Variants in CRIM1 observed in about 807,000 individuals in gnomAD.
CRIM1 encodes the protein cysteine-rich motor neuron 1 protein.
A neutral mutation model predicts 116.4 loss-of-function variants in CRIM1; 32 were observed. The ratio of observed to expected loss-of-function variants is 0.27; its 90% confidence interval spans 0.21 to 0.37. The LOEUF (loss-of-function observed/expected upper bound fraction) is 0.37, where lower values mean the gene tolerates loss of function less well. CRIM1 is among the 10% of genes least tolerant of loss of function. The pLI is 1.00. For missense variants in CRIM1, 1,331 were observed against 1,354.8 expected (o/e 0.98, Z 0.28); for synonymous variants, 590 against 509.2 (o/e 1.16, Z -2.13).
intron 7 of CRIM1, among the ~76,000 whole-genome samples, chr2:36,480,961 A>T (rs1275762719): frequency 6.6e-6 from 1 of 152,246 alleles, no homozygotes; most frequent in Non-Finnish European, 1.5e-5. Flanking sequence ...AGGGTGCCTT[A>T]CTGAAGCAGA....
intron 5 of CRIM1, among the ~76,000 whole-genome samples, chr2:36,469,765 A>C (rs988171083): frequency 1.3e-5 from 2 of 152,222 alleles, no homozygotes; most frequent in African/African-American, 4.8e-5. Context: ...ATATTCTGGC[A>C]CTTTGAGAGC....
intron 4 of CRIM1, among the ~76,000 whole-genome samples, chr2:36,461,006 T>C: frequency 6.6e-6 from 1 of 151,994 alleles, no homozygotes; most frequent in East Asian, 1.9e-4. Flanking sequence ...ACCGTAGCAA[T>C]GGAAAATGAA....
intron 7 of CRIM1, among the ~76,000 whole-genome samples, chr2:36,483,556 C>T (rs1679584506): frequency 6.6e-6 from 1 of 152,172 alleles, no homozygotes; most frequent in African/African-American, 2.4e-5. Flanking sequence ...TAAGTGACAG[C>T]ACAGTGTGTC....
At chr2:36,357,516 A>G (rs889716097) in intron 1 of CRIM1, among the ~76,000 whole-genome samples, 1 of 152,070 alleles carries the variant, frequency 6.6e-6, no homozygotes, top group African/African-American at 2.4e-5. Flanking sequence ...TGGGGAGCCA[A>G]TGTTAGTGCG....
intron 7 of CRIM1, among the ~76,000 whole-genome samples, chr2:36,493,581 C>G (rs1017410158): frequency 1.3e-5 from 2 of 152,222 alleles, no homozygotes; most frequent in African/African-American, 4.8e-5. Flanking sequence ...CCCACCCATA[C>G]TCAAGAACTG....
intron 2 of CRIM1, among the ~76,000 whole-genome samples, chr2:36,410,637 C>A (rs1235369700): frequency 6.6e-6 from 1 of 151,882 alleles, no homozygotes; most frequent in Non-Finnish European, 1.5e-5. Context: ...ACTGGTTATC[C>A]TCTAACAGAA....
chr2:36,470,676 C>T (rs961312104), intron 5 of CRIM1, among the ~76,000 whole-genome samples: 11 of 152,298 alleles, frequency 7.2e-5, no homozygotes, highest in Non-Finnish European at 1.5e-4. Flanking sequence ...CCTGGTCTCC[C>T]AAGAGCTCTG....
At chr2:36,445,136 C>G (rs1479110038) in intron 4 of CRIM1, among the ~76,000 whole-genome samples, 1 of 152,184 alleles carries the variant, frequency 6.6e-6, no homozygotes, top group Non-Finnish European at 1.5e-5. Flanking sequence ...CAGGCCCTCT[C>G]TTAGCCAAGA....
chr2:36,426,686 C>G (rs910677216), intron 2 of CRIM1, among the ~76,000 whole-genome samples: 2 of 152,182 alleles, frequency 1.3e-5, no homozygotes, highest in African/African-American at 4.8e-5. Context: ...GCCAGTCCAT[C>G]AAGCTCCCAG....
chr2:36,478,530 T>C (rs1295536401), intron 6 of CRIM1, among the ~76,000 whole-genome samples: 1 of 152,224 alleles, frequency 6.6e-6, no homozygotes, highest in East Asian at 1.9e-4. Context: ...AAATCTTCTC[T>C]TGCTCAGGTC....
At chr2:36,375,434 CA>C (rs1670251550) in intron 1 of CRIM1, among the ~76,000 whole-genome samples, 2 of 152,120 alleles carry the variant, frequency 1.3e-5, no homozygotes, top group East Asian at 3.9e-4. Flanking sequence ...TTTAAAAATA[CA>C]AATCCGCAAA....
In CRIM1 at chr2:36,356,030, C is replaced by T. The variant is rs1017179141; in HGVS notation, c.-263C>T. The T allele has an allele frequency of 7.9e-4, 120 of 152,624 alleles. 1 individual carries two copies. The highest frequency in any genetic ancestry group is 1.3e-3 in the Non-Finnish European group (92 of 68,968). 9.5% of individuals were successfully genotyped at this position (152,624 alleles called of 1,614,324 possible). ...GGGAGGAAACTTTTTTCTTTTTTCCCCCTCCCTCCCGGGAGGAGGAGGAGG... is the reference window on the plus strand; with the variant it reads ...GGGAGGAAACTTTTTTCTTTTTTCCTCCTCCCTCCCGGGAGGAGGAGGAGG... On this transcript the variant is annotated 5_prime_UTR_variant, in exon 1 of 17. Coordinates refer to ENST00000280527, the MANE Select transcript of CRIM1 (RefSeq NM_016441.3). The surrounding 1 kb of genome is among the most constrained non-coding windows in gnomAD (Gnocchi z 4.3).
intron 1 of CRIM1, among the ~76,000 whole-genome samples, chr2:36,364,203 C>T (rs964861727): frequency 5.9e-5 from 9 of 152,196 alleles, no homozygotes. Context: ...TGTGATTCTA[C>T]ATTTCTAACA....
chr2:36,362,216 G>A (rs201561060), intron 1 of CRIM1, among the ~76,000 whole-genome samples: 1 of 119,562 alleles, frequency 8.4e-6, no homozygotes, highest in Non-Finnish European at 1.6e-5. Context: ...TTGCAAGTCT[G>A]TGTATGATTA....
In CRIM1 at chr2:36,479,492, T is replaced by C; in HGVS notation, c.1175-5T>C. 1 of 1,613,946 alleles carries C rather than the reference T, an allele frequency of 6.2e-7. No individual in the cohort carries two copies. The highest frequency in any genetic ancestry group is 8.5e-7 in the Non-Finnish European group (1 of 1,179,802). On this transcript the variant is annotated splice_polypyrimidine_tract_variant and splice_region_variant and intron_variant, in intron 6 of 16. Coordinates refer to ENST00000280527, the MANE Select transcript of CRIM1 (RefSeq NM_016441.3). Reference sequence around the variant, plus strand: ...GTCTAACTCTGAACTCATGTTCTCATTTAGATCCAGTGTATCCTTTTAATA... The same window carrying C: ...GTCTAACTCTGAACTCATGTTCTCACTTAGATCCAGTGTATCCTTTTAATA...
rs1211983412 is a variant in CRIM1, at chr2:36,441,246, T to C, written c.506-12T>C. On this transcript the variant is annotated splice_polypyrimidine_tract_variant and intron_variant, in intron 2 of 16. Coordinates refer to ENST00000280527, the MANE Select transcript of CRIM1 (RefSeq NM_016441.3). ...CCCTGGGCATAAGCTAAATTCTTTCTCTCCCTTTTAGAAGAGAAGCCAGAT... is the reference window on the plus strand; with the variant it reads ...CCCTGGGCATAAGCTAAATTCTTTCCCTCCCTTTTAGAAGAGAAGCCAGAT... The C allele has an allele frequency of 4.3e-6, 7 of 1,613,940 alleles. No individual in the cohort carries two copies. Among genetic ancestry groups the C allele is most frequent in the Non-Finnish European group, 5.9e-6 (7 of 1,179,942 alleles).
intron 2 of CRIM1, among the ~76,000 whole-genome samples, chr2:36,434,522 T>A (rs1457250403): frequency 1.3e-5 from 2 of 152,208 alleles, no homozygotes; most frequent in Non-Finnish European, 1.5e-5. Flanking sequence ...CCTCTCTGGG[T>A]CTCTCTCTTC....
intron 13 of CRIM1, among the ~76,000 whole-genome samples, chr2:36,524,907 T>C (rs1665653127): frequency 6.6e-6 from 1 of 152,188 alleles, no homozygotes; most frequent in Non-Finnish European, 1.5e-5. Flanking sequence ...CCAGTTTGGC[T>C]CAAATTTGTG....
chr2:36,529,227 G>C (rs190171324), intron 13 of CRIM1: 149 of 471,034 alleles, frequency 3.2e-4, no homozygotes, highest in Non-Finnish European at 6.0e-4. Flanking sequence ...GGGCCCACCT[G>C]ATAAGAACCC....
Sources: gnomAD v4.1 joint callset for allele counts (sites outside exome capture counted in the v4.1 genomes callset) on GRCh38, gnomAD v4.1.1 for gene constraint, Gnocchi (gnomAD v3.1) non-coding constraint, MANE v1.5 for transcripts, NCBI Gene and HGNC (gene_info 2026-07-23, HGNC 2026-07-21) for gene names.